Variants in APEH observed in about 807,000 individuals in gnomAD.
The protein encoded by APEH is acylaminoacyl-peptide hydrolase.
In APEH, 75 loss-of-function variants were observed where a neutral mutation model predicts 102.7. The observed-to-expected ratio is 0.73, with a 90% CI of 0.61 to 0.89. The LOEUF (loss-of-function observed/expected upper bound fraction) is 0.89. Ranked by LOEUF, APEH falls within the 40% of genes least tolerant of loss-of-function variation. The pLI is 0.00. For missense variants in APEH, 863 were observed against 941.2 expected (o/e 0.92, Z 1.09); for synonymous variants, 344 against 362.7 (o/e 0.95, Z 0.59).
intron 19 of APEH, 28 bp from the exon 20 acceptor site, chr3:49,682,815 G>A: frequency 6.2e-7 from 1 of 1,613,872 alleles, no homozygotes; most frequent in Non-Finnish European, 8.5e-7. Context: ...CAGAATTCCT[G>A]GGGCTGCAAC....
At chr3:49,676,301 C>T (rs1213274463) in intron 6 of APEH, 77 bp from the exon 7 acceptor site, 10 of 1,611,390 alleles carry the variant, frequency 6.2e-6, no homozygotes, top group South Asian at 1.1e-5. Flanking sequence ...GCCTGTCAGA[C>T]CTGGGGAGGC....
At position 49,675,171 on chromosome 3, in the gene APEH, C is replaced by G. The variant is rs763250568; in HGVS notation, c.146-12C>G. The G allele has an allele frequency of 2.5e-5, 40 of 1,613,736 alleles. No homozygotes were observed. The highest frequency in any genetic ancestry group is 3.2e-5 in the Non-Finnish European group (38 of 1,179,886). Reference sequence around the variant, plus strand: ...CAAGACAAGGTGAGCAGTCTCATGCCTCCCCTCACAGAGTGGACCCAGAGG... The same window carrying G: ...CAAGACAAGGTGAGCAGTCTCATGCGTCCCCTCACAGAGTGGACCCAGAGG... On this transcript the variant is annotated splice_polypyrimidine_tract_variant and intron_variant, in intron 2 of 21. Transcript: ENST00000296456.
In APEH at chr3:49,675,191, CA is replaced by C. The variant is rs1197233387; in HGVS notation, c.155del (p.Gln52ArgfsTer42). Reference sequence around the variant, plus strand: ...CATGCCTCCCCTCACAGAGTGGACCCAGAGGGACCTGGAACGCATGGAGAAC... The same window carrying C: ...CATGCCTCCCCTCACAGAGTGGACCCGAGGGACCTGGAACGCATGGAGAAC... ...QYRTVHTEWT[Q>X]RDLERMENIR... On this transcript the variant is annotated frameshift_variant, in exon 3 of 22. Coordinates refer to ENST00000296456, the MANE Select transcript of APEH (RefSeq NM_001640.4). LOFTEE classifies it high-confidence loss of function. The C allele has an allele frequency of 6.2e-7, 1 of 1,613,964 alleles. No individual in the cohort carries two copies. The highest frequency in any genetic ancestry group is 8.5e-7 in the Non-Finnish European group (1 of 1,179,944).
At chr3:49,678,647 G>T (rs1385783271) in intron 11 of APEH, among the ~76,000 whole-genome samples, 2 of 152,068 alleles carry the variant, frequency 1.3e-5, no homozygotes, top group East Asian at 3.9e-4. Context: ...GTCCTCTCTG[G>T]GTCCCAAGAG....
rs376686159 is a variant in APEH at position 49,675,322 on chromosome 3, G to A, written c.272+13G>A. On this transcript the variant is annotated intron_variant, in intron 3 of 21. Coordinates refer to ENST00000296456, the MANE Select transcript of APEH (RefSeq NM_001640.4). The stretch of plus-strand genomic sequence containing the variant: ...AGACCCGGGGGGAGTAAGTTTGAGG[G>A]AGGAAGCTTGTGGGCAAGGCCACAG... 1.2e-6 allele frequency: 2 copies of A among 1,613,192 alleles called. No individual in the cohort carries two copies. Among genetic ancestry groups the A allele is most frequent in the Non-Finnish European group, 1.7e-6 (2 of 1,179,670 alleles).
Position 49,682,392 on chromosome 3 carries a change from T to C in APEH, c.1648T>C (p.Ser550Pro). The change falls in exon 18 of 22, where the codon TCC becomes CCC. Residue 550 changes from serine to proline, a missense_variant. Coordinates refer to ENST00000296456, the MANE Select transcript of APEH (RefSeq NM_001640.4). Reference protein sequence around the residue: ...STGFGQDSILSLPGNVGHQDV... With the variant: ...STGFGQDSILPLPGNVGHQDV... ...GGGCTTTGGCCAGGACAGCATCCTC[T>C]CCCTCCCAGGCAATGTGGGCCACCA... 6.2e-7 allele frequency: 1 copy of C among 1,613,956 alleles called. No individual in the cohort carries two copies. The highest frequency in any genetic ancestry group is 1.3e-5 in the African/African-American group (1 of 75,006).
At chr3:49,680,356 GAAC>G in intron 13 of APEH, 182 bp from the exon 14 acceptor site, 4 of 583,000 alleles carry the variant, frequency 6.9e-6, no homozygotes, top group Non-Finnish European at 1.2e-5. Flanking sequence ...TCTGTCAGAT[GAAC>G]AACAGACTGA....
At chr3:49,682,227 G>C in intron 17 of APEH, 121 bp from the exon 18 acceptor site, 1 of 1,092,134 alleles carries the variant, frequency 9.2e-7, no homozygotes, top group South Asian at 1.5e-5. Context: ...CCTTCCCCTT[G>C]ACCCCTTGAC....
chr3:49,681,715 C>G lies in APEH; in HGVS notation c.1439-7C>G. The stretch of plus-strand genomic sequence containing the variant: ...TCACCCTGCTGACTGCTGCCCTCTC[C>G]CTGCAGCTGGCCTTGACTTTGAAGC... On this transcript the variant is annotated splice_region_variant and splice_polypyrimidine_tract_variant and intron_variant, in intron 15 of 21. Coordinates refer to ENST00000296456, the MANE Select transcript of APEH (RefSeq NM_001640.4). The G allele has an allele frequency of 5.7e-6, 9 of 1,570,716 alleles. No homozygotes were observed. Among genetic ancestry groups the G allele is most frequent in the Non-Finnish European group, 7.8e-6 (9 of 1,156,434 alleles).
Position 49,679,527 on chromosome 3 carries a change from A to G in APEH, c.1159-66A>G. The G allele has an allele frequency of 3.3e-6, 5 of 1,536,722 alleles. No individual in the cohort carries two copies. Among genetic ancestry groups the G allele is most frequent in the Non-Finnish European group, 4.5e-6 (5 of 1,111,620 alleles). On this transcript the variant is annotated intron_variant, in intron 12 of 21. Transcript: ENST00000296456. This position sits in a 1 kb window ranked among gnomAD's most constrained non-coding sequence, Gnocchi z 4.3. ...CAAGAGGGTAGAGAGGAGGTAGGGG[A>G]GGGACCCATAGGTAGAGGGAGTACT...
intron 14 of APEH, 124 bp downstream of exon 14, chr3:49,680,753 G>C: frequency 1.2e-6 from 1 of 868,324 alleles, no homozygotes; most frequent in Non-Finnish European, 1.8e-6. Flanking sequence ...CAAGACACAG[G>C]CCCAGCTTGG....
In APEH at chr3:49,674,369, G is replaced by T; in HGVS notation, c.-33G>T. The T allele has an allele frequency of 3.2e-6, 5 of 1,550,176 alleles. No homozygotes were observed. Among genetic ancestry groups the T allele is most frequent in the Non-Finnish European group, 4.3e-6 (5 of 1,154,570 alleles). ...AAGCCTCACTTCCGGGCGCGAGCAC[G>T]CCCCGCCTCGCCCCGGCGGCAGAGA... On this transcript the variant is annotated 5_prime_UTR_variant, in exon 1 of 22. Transcript: ENST00000296456.
upstream of APEH, chr3:49,674,149 A>C: frequency 3.9e-6 from 2 of 509,576 alleles, no homozygotes; most frequent in South Asian, 2.6e-5. Flanking sequence ...CCCGCCCCCC[A>C]CTTGGCTAGT....
chr3:49,682,461 C>G (rs747750334), intron 18 of APEH, 25 bp downstream of exon 18: 1 of 1,612,412 alleles, frequency 6.2e-7, no homozygotes, highest in Non-Finnish European at 8.5e-7. Flanking sequence ...GGCTTCTGGA[C>G]AGGCTGAAAC....
chr3:49,676,306 G>T, intron 6 of APEH, 72 bp from the exon 7 acceptor site: 4 of 1,611,942 alleles, frequency 2.5e-6, no homozygotes, highest in Non-Finnish European at 3.4e-6. Context: ...TCAGACCTGG[G>T]GAGGCACTAG....
chr3:49,675,545 A>G (rs1255714039), intron 3 of APEH, 149 bp from the exon 4 acceptor site: 3 of 959,202 alleles, frequency 3.1e-6, no homozygotes, highest in Non-Finnish European at 4.8e-6. Context: ...TCTCTGCCTC[A>G]GGGAGGAAAG....
rs907908766 is a variant in APEH at position 49,677,688 on chromosome 3, C to T, written c.1060+55C>T. On this transcript the variant is annotated intron_variant, in intron 11 of 21. Coordinates refer to ENST00000296456, the MANE Select transcript of APEH (RefSeq NM_001640.4). ...TGGGGCCTGTAGCTCTGCTTTCCTG[C>T]CGTCTGTTGCATCCCTGCCCCGTTC... 2.7e-6 allele frequency: 4 copies of T among 1,489,550 alleles called. No homozygotes were observed. The African/African-American group carries it at 4.2e-5, about 15-fold the overall frequency. The allele number at this position is 1,489,550 out of a possible 1,614,324, so 92.3% of individuals were successfully genotyped here.
At chr3:49,680,866 A>T (rs1169239254) in intron 14 of APEH, among the ~76,000 whole-genome samples, 4 of 152,244 alleles carry the variant, frequency 2.6e-5, no homozygotes, top group African/African-American at 9.6e-5. Context: ...TTGGTATTAC[A>T]GAGCAAAGGA....
Position 49,682,908 on chromosome 3 carries a change from A to C in APEH, c.1949A>C (p.Glu650Ala). The C allele has an allele frequency of 6.2e-7, 1 of 1,614,032 alleles. No individual in the cohort carries two copies. The highest frequency in any genetic ancestry group is 2.2e-5 in the East Asian group (1 of 44,884). The change falls in exon 20 of 22, where the codon GAG becomes GCG. Residue 650 changes from glutamate (E) to alanine (A), a missense_variant. Physicochemically the swap from Glu to Ala is moderately radical, Grantham distance 107. Transcript: ENST00000296456. ...DCLPDLSVWA[E>A]MLDKSPIRYI... ...CTGCCAGACCTCAGCGTGTGGGCTG[A>C]GATGCTGGACAAATCGCCCATCAGA...
Sources: allele counts gnomAD v4.1 joint callset (sites outside exome capture counted in the v4.1 genomes callset), GRCh38; gene constraint gnomAD v4.1.1; non-coding constraint Gnocchi (gnomAD v3.1); transcripts MANE v1.5; gene names NCBI Gene and HGNC (gene_info 2026-07-23, HGNC 2026-07-21).